TTN: variants seen among roughly 807,000 people sequenced by gnomAD.
The protein encoded by TTN is titin, also known as connectin.
In TTN, 1,525 loss-of-function variants were observed where a neutral mutation model predicts 3,223.0. The observed-to-expected ratio is 0.47, with a 90% CI of 0.45 to 0.49. TTN has a LOEUF of 0.49. Ranked by LOEUF, TTN falls within the 20% of genes least tolerant of loss-of-function variation. The pLI, the probability that TTN is intolerant of heterozygous loss-of-function variation, is 0.00. For synonymous variants in TTN, 14,094 were observed against 15,161.0 expected, an observed-to-expected ratio of 0.93 and a Z score of 5.17; for missense variants, 40,786 against 43,424.0, an observed-to-expected ratio of 0.94 and a Z score of 5.40.
At chr2:178,799,781 G>C in intron 5 of TTN, 44 bp downstream of exon 5, 1 of 1,614,158 alleles carries the variant, frequency 6.2e-7, no homozygotes, top group Non-Finnish European at 8.5e-7. Context: ...AGCTGGGGAC[G>C]CAACAGCCTG....
intron 236 of TTN, 40 bp from the exon 237 acceptor site, chr2:178,631,340 C>T: frequency 6.5e-7 from 1 of 1,549,464 alleles, no homozygotes. Context: ...TATTAATCAC[C>T]TTAGGGAAAT....
chr2:178,751,558 T>C lies in TTN; in HGVS notation c.11311+1566A>G, dbSNP rs796091067. On this transcript the variant is annotated intron_variant, in intron 47 of 362. Transcript: ENST00000589042. ...AAGCCTCCACATTTTCATGTGTCCGTTCTGCTCTTTTCAGAAATTCTAAAT... is the reference window on the plus strand; with the variant it reads ...AAGCCTCCACATTTTCATGTGTCCGCTCTGCTCTTTTCAGAAATTCTAAAT... 9 of 1,613,252 alleles carry C rather than the reference T, an allele frequency of 5.6e-6. No homozygotes were observed. Among genetic ancestry groups the C allele is most frequent in the Non-Finnish European group, 7.6e-6 (9 of 1,179,488 alleles).
chr2:178,790,374 A>G (rs746718843), intron 11 of TTN, among the ~76,000 whole-genome samples: 1 of 152,212 alleles, frequency 6.6e-6, no homozygotes, highest in Non-Finnish European at 1.5e-5. Flanking sequence ...TACTTTTCAC[A>G]TTTTTTAAAA....
At position 178,629,312 on chromosome 2, in the gene TTN, G is replaced by A; in HGVS notation, c.44413C>T (p.Pro14805Ser). The change falls in exon 240 of 363, where the codon CCC becomes TCC. Residue 14805 changes from proline to serine, a missense_variant. Transcript: ENST00000589042. ...EWYLKGKKLEPSDKVVPRSEG... is the reference protein window; with the variant it reads ...EWYLKGKKLESSDKVVPRSEG... The stretch of plus-strand genomic sequence containing the variant: ...TGCCTGCTTTTTACCTTATCGCTGG[G>A]CTCTAGTTTCTTCCCTTTGAGATAC... The A allele has an allele frequency of 6.2e-7, 1 of 1,612,570 alleles. No individual in the cohort carries two copies. The highest frequency in any genetic ancestry group is 8.5e-7 in the Non-Finnish European group (1 of 1,179,130).
At chr2:178,807,005 T>C (rs926401331) in intron 1 of TTN, among the ~76,000 whole-genome samples, 9 of 152,234 alleles carry the variant, frequency 5.9e-5, no homozygotes, top group African/African-American at 2.2e-4. Context: ...ATTTAGCTGA[T>C]ATAATAAAGC....
Position 178,568,353 on chromosome 2 carries a change from T to G in TTN, c.77779A>C (p.Ile25927Leu), listed in dbSNP as rs780196850. ...GTGGTTGTATCTCTTTTCTGAACAA[T>G]GTAGTTGGTGATTTGGCAGCCCCCT... Reference protein sequence around the residue: ...YTGGCQITNYIVQKRDTTTTV... With the variant: ...YTGGCQITNYLVQKRDTTTTV... The change falls in exon 326 of 363, where the codon ATT becomes CTT. Residue 25927 changes from isoleucine to leucine, a missense_variant. Ile to Leu is a conservative substitution (Grantham distance 5, BLOSUM62 2). Transcript: ENST00000589042. The G allele has an allele frequency of 4.5e-5, 73 of 1,613,292 alleles. No homozygotes were observed. Among genetic ancestry groups the G allele is most frequent in the Non-Finnish European group, 5.1e-5 (60 of 1,179,616 alleles).
rs149567378 is a variant in TTN, at chr2:178,552,364, C to G, written c.90536G>C (p.Arg30179Pro). 1.3e-6 allele frequency: 2 copies of G among 1,592,802 alleles called. No homozygotes were observed. The highest frequency in any genetic ancestry group is 1.7e-5 in the Admixed American group (1 of 58,060). ...GLPLKESEFV[R>P]FSKTENKITL... ...AATTTTGTTTTCAGTTTTACTGAAG[C>G]GAACAAATTCACTTTCTTTCAGTGG... is the stretch of plus-strand genomic sequence containing the variant. Residue 30179 changes from arginine to proline, a missense_variant, in exon 335 of 363, where the codon CGC becomes CCC. Arg to Pro is a moderately radical substitution (Grantham distance 103). Transcript: ENST00000589042.
At position 178,712,165 on chromosome 2, in the gene TTN, G is replaced by A. The variant is rs786205313; in HGVS notation, c.27665C>T (p.Ala9222Val). Residue 9222 changes from alanine to valine, a missense_variant, in exon 96 of 363, where the codon GCC (alanine) becomes GTC (valine). By Grantham distance (64) the Ala-to-Val change is moderately conservative. Coordinates refer to ENST00000589042, the MANE Select transcript of TTN (RefSeq NM_001267550.2). ...TCCAGCAAGCTGGCATTGTAGAGAG[G>A]CAGAATCTCCAACAGACACCTTAAC... is the stretch of plus-strand genomic sequence containing the variant. ...EPVKVSVGDS[A>V]SLQCQLAGTP... The A allele has an allele frequency of 3.1e-6, 5 of 1,613,766 alleles. No individual in the cohort carries two copies. Among genetic ancestry groups the A allele is most frequent in the Non-Finnish European group, 3.4e-6 (4 of 1,179,772 alleles).
chr2:178,577,822 G>A lies in TTN; in HGVS notation c.68604C>T (p.Asp22868=), dbSNP rs750368181. 21 of 1,611,356 alleles carry A rather than the reference G, an allele frequency of 1.3e-5. No homozygotes were observed. Among genetic ancestry groups the A allele is most frequent in the South Asian group, 2.2e-5 (2 of 90,664 alleles). Residue 22868 remains aspartate, a synonymous_variant, in exon 323 of 363, where the codon GAC becomes GAT. Coordinates refer to ENST00000589042, the MANE Select transcript of TTN (RefSeq NM_001267550.2). ...TATATCCAGTTAACTTATGACCACC[G>A]TCATATTTAGGTTCAGTCCAAATGA... The part of the protein sequence containing the change: ...VTLIWTEPKY[D]GGHKLTGYIV...
Position 178,774,056 on chromosome 2 carries a change from TCAC to T in TTN, c.7109_7111del (p.Gly2370del). Reference sequence around the variant, plus strand: ...GACTTTAACTTCAAGCTGAACAATGTCACCCTCACAGACTTTTTGGTCACTAAG... The same window carrying T: ...GACTTTAACTTCAAGCTGAACAATGTCCTCACAGACTTTTTGGTCACTAAG... On this transcript the variant is annotated inframe_deletion, in exon 31 of 363. Transcript: ENST00000589042. 6.2e-7 allele frequency: 1 copy of T among 1,614,108 alleles called. No homozygotes were observed. The highest frequency in any genetic ancestry group is 1.1e-5 in the South Asian group (1 of 91,078).
In TTN at chr2:178,565,755, A is replaced by C. The variant is rs960039859; in HGVS notation, c.80377T>G (p.Ser26793Ala). 1.9e-6 allele frequency: 3 copies of C among 1,613,450 alleles called. No homozygotes were observed. In the African/African-American group the frequency reaches 4.0e-5, roughly 22 times the overall value. ...PPGKVTLTDV[S>A]QTSASLMWEK... ...CACATAAGTGATGCACTGGTCTGGG[A>C]CACATCAGTGAGTGTAACCTTTCCT... is the stretch of plus-strand genomic sequence containing the variant. Residue 26793 changes from serine to alanine, a missense_variant, in exon 326 of 363, where the codon TCC (serine) becomes GCC (alanine). Transcript: ENST00000589042.
intron 163 of TTN, among the ~76,000 whole-genome samples, chr2:178,666,344 G>GA (rs71394376): frequency 8.1e-5 from 11 of 135,880 alleles, no homozygotes; most frequent in East Asian, 3.0e-4. Context: ...TATTCAAAAT[G>GA]AAAAAAAATG....
chr2:178,614,149 G>A lies in TTN; in HGVS notation c.49248C>T (p.Ile16416=), dbSNP rs1553702116. The A allele has an allele frequency of 6.2e-7, 1 of 1,612,396 alleles. No homozygotes were observed. The highest frequency in any genetic ancestry group is 1.1e-5 in the South Asian group (1 of 91,034). ...CTCTGAAGATGTACTCTTTATTGGG[G>A]ATTAATTTGGTGGCCTTGAAGTTTG... ...KDTNFKATKL[I]PNKEYIFRVA... Residue 16416 remains isoleucine, a synonymous_variant, in exon 262 of 363, where the codon ATC becomes ATT. Transcript: ENST00000589042.
intron 46 of TTN, among the ~76,000 whole-genome samples, chr2:178,755,342 CT>C (rs1319292499): frequency 6.6e-6 from 1 of 152,126 alleles, no homozygotes; most frequent in South Asian, 2.1e-4. Flanking sequence ...GATTTTAAGC[CT>C]GTAAAAGCAG....
rs749511236 is a variant in TTN at position 178,782,986 on chromosome 2, C to T, written c.2920G>A (p.Val974Met). Residue 974 changes from valine to methionine, a missense_variant, in exon 18 of 363, where the codon GTG becomes ATG. Transcript: ENST00000589042. ...TGGTAGTCTTCCCTGTACCATGTCA[C>T]TGTCGGGGATGGGTATCCAGAGATG... The part of the protein sequence containing the change: ...CHISGYPSPT[V>M]TWYREDYQIE... The T allele has an allele frequency of 1.9e-6, 3 of 1,614,162 alleles. No homozygotes were observed. In the South Asian group the frequency reaches 3.3e-5, roughly 18 times the overall value.
intron 288 of TTN, 94 bp downstream of exon 288, chr2:178,600,760 G>T: frequency 6.9e-7 from 1 of 1,446,628 alleles, no homozygotes; most frequent in Non-Finnish European, 9.7e-7. Context: ...GCTTCCTAAG[G>T]TACAGATATA....
chr2:178,568,337 T>C lies in TTN; in HGVS notation c.77795A>G (p.Asp25932Gly). The change falls in exon 326 of 363, where the codon GAT becomes GGT. Residue 25932 changes from aspartate to glycine, a missense_variant. Coordinates refer to ENST00000589042, the MANE Select transcript of TTN (RefSeq NM_001267550.2). Reference protein sequence around the residue: ...QITNYIVQKRDTTTTVWDVVS... With the variant: ...QITNYIVQKRGTTTTVWDVVS... ...AACATCCCATACTGTGGTGGTTGTA[T>C]CTCTTTTCTGAACAATGTAGTTGGT... 1 of 1,613,416 alleles carries C rather than the reference T, an allele frequency of 6.2e-7. No homozygotes were observed. The highest frequency in any genetic ancestry group is 1.1e-5 in the South Asian group (1 of 91,078).
intron 321 of TTN, 111 bp from the exon 322 acceptor site, chr2:178,578,296 C>A (rs1314511590): frequency 2.0e-6 from 2 of 1,000,762 alleles, no homozygotes. Flanking sequence ...AGTAGTCATT[C>A]TTGCTAGTAT....
chr2:178,665,650 C>T (rs1381203816), intron 164 of TTN, 58 bp downstream of exon 164: 1 of 1,289,994 alleles, frequency 7.8e-7, no homozygotes, highest in African/African-American at 1.5e-5. Context: ...TTCCCTAGCA[C>T]CCTGTACATG....
Sources: gnomAD v4.1 joint callset for allele counts (sites outside exome capture counted in the v4.1 genomes callset) on GRCh38, gnomAD v4.1.1 for gene constraint, MANE v1.5 for transcripts, NCBI Gene and HGNC (gene_info 2026-07-23, HGNC 2026-07-21) for gene names.